DPP10: variants seen among roughly 807,000 people sequenced by gnomAD.
DPP10 encodes the protein dipeptidyl peptidase like 10.
DPP10 carries 33 observed loss-of-function variants against 120.9 expected under a neutral mutation model. The ratio of observed to expected loss-of-function variants is 0.27; its 90% confidence interval spans 0.21 to 0.37. DPP10 has a LOEUF of 0.37. DPP10 is among the 10% of genes least tolerant of loss of function. The pLI, the probability that DPP10 is intolerant of heterozygous loss-of-function variation, is 1.00. For missense variants in DPP10, 816 were observed against 942.8 expected (o/e 0.87, Z 1.76); for synonymous variants, 337 against 326.1 (o/e 1.03, Z -0.36).
intron 3 of DPP10, among the ~76,000 whole-genome samples, chr2:115,448,730 C>T (rs2072843379): frequency 6.6e-6 from 1 of 151,998 alleles, no homozygotes; most frequent in Non-Finnish European, 1.5e-5. Flanking sequence ...GAGAAGTGCT[C>T]ATGAAAATGC....
At chr2:115,704,700 A>T (rs1372013956) in intron 7 of DPP10, among the ~76,000 whole-genome samples, 2 of 152,012 alleles carry the variant, frequency 1.3e-5, no homozygotes. Flanking sequence ...GATATACCAT[A>T]AGCTATTGAA....
At chr2:115,004,966 C>G (rs1402321377) in intron 1 of DPP10, among the ~76,000 whole-genome samples, 1 of 152,110 alleles carries the variant, frequency 6.6e-6, no homozygotes, top group Non-Finnish European at 1.5e-5. Flanking sequence ...TTAAATGTCC[C>G]TGTCTGACAG....
chr2:114,898,893 A>G (rs998951730), intron 1 of DPP10, among the ~76,000 whole-genome samples: 5 of 152,154 alleles, frequency 3.3e-5, no homozygotes, highest in Non-Finnish European at 7.4e-5. Context: ...GCTTGTATTT[A>G]ATATGCACAA....
intron 1 of DPP10, among the ~76,000 whole-genome samples, chr2:115,088,780 A>G (rs1216906036): frequency 1.3e-5 from 2 of 150,712 alleles, no homozygotes; most frequent in African/African-American, 4.9e-5. Flanking sequence ...CCAAAAAACA[A>G]AAAAAACCTT....
intron 5 of DPP10, among the ~76,000 whole-genome samples, chr2:115,644,647 G>C (rs2087081200): frequency 6.6e-6 from 1 of 151,888 alleles, no homozygotes; most frequent in Admixed American, 6.6e-5. Flanking sequence ...AGGCATGGTG[G>C]CGTGCACCAC....
At chr2:114,471,130 C>G (rs1441056377) in intron 1 of DPP10, among the ~76,000 whole-genome samples, 1 of 152,152 alleles carries the variant, frequency 6.6e-6, no homozygotes, top group Non-Finnish European at 1.5e-5. Flanking sequence ...TTAGTACATA[C>G]CACATCATTA....
At position 115,028,765 on chromosome 2, in the gene DPP10, C is replaced by T. The variant is rs1040679273; in HGVS notation, c.61-280474C>T. ...TGTGTGGGGTGCATAGATGTCTATA[C>T]GAGTATATCCTCTATCTGAATTGAT... is the stretch of plus-strand genomic sequence containing the variant. On this transcript the variant is annotated intron_variant, in intron 1 of 25. Transcript: ENST00000410059. Among the ~76,000 whole-genome samples the T allele has an allele frequency of 5.9e-5, 9 of 152,132 alleles. No homozygotes were observed. The South Asian group carries it at 8.3e-4, about 14-fold the overall frequency.
intron 1 of DPP10, among the ~76,000 whole-genome samples, chr2:114,494,101 CAAAA>C (rs58552540): frequency 3.9e-5 from 3 of 77,162 alleles, no homozygotes; most frequent in Non-Finnish European, 7.3e-5. Context: ...AGCAATAAGG[CAAAA>C]AAAAAAAAAA....
intron 1 of DPP10, among the ~76,000 whole-genome samples, chr2:114,474,710 A>C (rs919372939): frequency 6.6e-6 from 1 of 152,232 alleles, no homozygotes; most frequent in Non-Finnish European, 1.5e-5. Context: ...AGTACTGTAC[A>C]TATGTCTGGG....
chr2:115,642,335 T>C (rs1052537470), intron 5 of DPP10, among the ~76,000 whole-genome samples: 1 of 152,164 alleles, frequency 6.6e-6, no homozygotes, highest in Non-Finnish European at 1.5e-5. Flanking sequence ...TCAGTGGACT[T>C]TGAATAAAGA....
intron 21 of DPP10, 112 bp downstream of exon 21, chr2:115,815,841 G>C: frequency 9.2e-7 from 1 of 1,081,186 alleles, no homozygotes; most frequent in South Asian, 1.5e-5. Context: ...ATATTGACTG[G>C]GATTCCATAC....
intron 1 of DPP10, among the ~76,000 whole-genome samples, chr2:115,007,286 A>G (rs1261359675): frequency 6.6e-6 from 1 of 152,234 alleles, no homozygotes; most frequent in Non-Finnish European, 1.5e-5. Context: ...AAATCAATAA[A>G]TCTAATCCAG....
intron 3 of DPP10, among the ~76,000 whole-genome samples, chr2:115,376,161 G>A (rs967880264): frequency 6.6e-6 from 1 of 152,078 alleles, no homozygotes; most frequent in Non-Finnish European, 1.5e-5. Flanking sequence ...CTGCTTGTTT[G>A]TTTGAAGACT....
At chr2:115,212,382 A>G (rs1237123395) in intron 1 of DPP10, among the ~76,000 whole-genome samples, 1 of 152,212 alleles carries the variant, frequency 6.6e-6, no homozygotes, top group African/African-American at 2.4e-5. Flanking sequence ...AAGGGAACAC[A>G]CTAGTCACTC....
chr2:114,910,548 T>A (rs1055563327), intron 1 of DPP10, among the ~76,000 whole-genome samples: 3 of 152,106 alleles, frequency 2.0e-5, no homozygotes, highest in Non-Finnish European at 4.4e-5. Flanking sequence ...AATCTAATAA[T>A]ATTTTTACTA....
At chr2:115,572,906 A>G (rs2081422327) in intron 5 of DPP10, among the ~76,000 whole-genome samples, 1 of 152,192 alleles carries the variant, frequency 6.6e-6, no homozygotes, top group Non-Finnish European at 1.5e-5. Context: ...AGTGGCAGAA[A>G]AGAGAGTGCA....
intron 3 of DPP10, among the ~76,000 whole-genome samples, chr2:115,479,929 G>A (rs111848331): frequency 0.01 from 1,573 of 152,202 alleles, 33 homozygotes; most frequent in African/African-American, 0.036. Context: ...ACATGAATGC[G>A]TCCACACCTG....
intron 1 of DPP10, among the ~76,000 whole-genome samples, chr2:114,535,319 C>T (rs1686390701): frequency 6.6e-6 from 1 of 152,084 alleles, no homozygotes; most frequent in South Asian, 2.1e-4. Flanking sequence ...GATACCCTTT[C>T]CTTATTAAGT....
At chr2:115,554,631 G>C (rs1394596333) in intron 5 of DPP10, among the ~76,000 whole-genome samples, 3 of 152,014 alleles carry the variant, frequency 2.0e-5, no homozygotes, top group African/African-American at 7.2e-5. Flanking sequence ...AATTATTAAT[G>C]GTTGCTCAGG....
Sources: allele counts gnomAD v4.1 joint callset (sites outside exome capture counted in the v4.1 genomes callset), GRCh38; gene constraint gnomAD v4.1.1; transcripts MANE v1.5; gene names NCBI Gene and HGNC (gene_info 2026-07-23, HGNC 2026-07-21).